The following PDE7B variants were observed in gnomAD, a reference collection of about 807,000 sequenced individuals.
PDE7B encodes the protein phosphodiesterase 7B.
Under a neutral mutation model 56.2 loss-of-function variants are expected in PDE7B, and 29 were observed. That is an observed-to-expected ratio of 0.52 (90% CI 0.38 to 0.70). The LOEUF is 0.70. PDE7B is among the 30% of genes least tolerant of loss of function. The pLI is 0.00. For missense variants in PDE7B, 490 were observed against 565.0 expected, an observed-to-expected ratio of 0.87 and a Z score of 1.35; for synonymous variants, 197 against 196.9, an observed-to-expected ratio of 1.00 and a Z score of 0.00.
At chr6:136,083,514 C>A (rs1323251127) in intron 2 of PDE7B, among the ~76,000 whole-genome samples, 1 of 152,138 alleles carries the variant, frequency 6.6e-6, no homozygotes, top group Non-Finnish European at 1.5e-5. Flanking sequence ...TGCTAACTAC[C>A]CTTAAAATGT....
chr6:135,986,557 T>A (rs1348157333), intron 2 of PDE7B, among the ~76,000 whole-genome samples: 1 of 152,212 alleles, frequency 6.6e-6, no homozygotes, highest in Admixed American at 6.5e-5. Context: ...GCTCGATGGA[T>A]CCCAGCAAGA....
intron 2 of PDE7B, among the ~76,000 whole-genome samples, chr6:136,018,680 GT>G (rs1776019296): frequency 1.3e-5 from 2 of 151,968 alleles, no homozygotes; most frequent in Admixed American, 1.3e-4. Context: ...AAGTTTTTAT[GT>G]TTTTTAAATA....
chr6:136,088,578 T>C (rs1348967837), intron 2 of PDE7B, among the ~76,000 whole-genome samples: 1 of 152,058 alleles, frequency 6.6e-6, no homozygotes, highest in Non-Finnish European at 1.5e-5. Flanking sequence ...AGACCATATA[T>C]TGTATTGTTT....
At chr6:136,040,454 T>C (rs951892833) in intron 2 of PDE7B, among the ~76,000 whole-genome samples, 5 of 152,184 alleles carry the variant, frequency 3.3e-5, no homozygotes, top group African/African-American at 9.7e-5. Context: ...CCTTCTTCCT[T>C]ACTCATCCTA....
intron 1 of PDE7B, among the ~76,000 whole-genome samples, chr6:135,945,434 T>C (rs1774579495): frequency 6.6e-6 from 1 of 151,986 alleles, no homozygotes; most frequent in Non-Finnish European, 1.5e-5. Flanking sequence ...GCCTCTTGAC[T>C]CACAAAAGCA....
chr6:136,132,877 G>A (rs1778141963), intron 3 of PDE7B, among the ~76,000 whole-genome samples: 1 of 152,096 alleles, frequency 6.6e-6, no homozygotes, highest in Non-Finnish European at 1.5e-5. Context: ...AGAGTGTCCT[G>A]CACCAAGAAT....
chr6:136,131,254 A>T (rs1778111967), intron 3 of PDE7B, among the ~76,000 whole-genome samples: 1 of 152,198 alleles, frequency 6.6e-6, no homozygotes, highest in African/African-American at 2.4e-5. Flanking sequence ...ATGCAAAATT[A>T]TCAATGTAGG....
At chr6:135,934,446 G>A (rs1774353413) in intron 1 of PDE7B, among the ~76,000 whole-genome samples, 1 of 151,688 alleles carries the variant, frequency 6.6e-6, no homozygotes, top group South Asian at 2.1e-4. Context: ...ATATATTCGG[G>A]CCCAGTGCAG....
chr6:135,897,049 T>G (rs1314182979), intron 1 of PDE7B, among the ~76,000 whole-genome samples: 1 of 152,164 alleles, frequency 6.6e-6, no homozygotes, highest in Non-Finnish European at 1.5e-5. Flanking sequence ...CCCTAAGCCA[T>G]CTTCATCAGA....
intron 2 of PDE7B, among the ~76,000 whole-genome samples, chr6:136,077,981 T>A (rs1777149954): frequency 6.6e-6 from 1 of 152,174 alleles, no homozygotes; most frequent in Admixed American, 6.5e-5. Flanking sequence ...CCAGGGTGAA[T>A]TGAGGTTAGC....
intron 2 of PDE7B, among the ~76,000 whole-genome samples, chr6:136,090,521 T>C (rs1777369690): frequency 6.6e-6 from 1 of 152,252 alleles, no homozygotes; most frequent in Non-Finnish European, 1.5e-5. Flanking sequence ...TACATCTTAT[T>C]GTGCTCTTAA....
At chr6:136,151,360 C>G in intron 6 of PDE7B, 105 bp downstream of exon 6, 1 of 595,960 alleles carries the variant, frequency 1.7e-6, no homozygotes, top group Middle Eastern at 2.6e-4. Context: ...TAGATGCATA[C>G]CTCCAATTAA....
At chr6:135,926,961 T>C (rs902311396) in intron 1 of PDE7B, among the ~76,000 whole-genome samples, 3 of 152,300 alleles carry the variant, frequency 2.0e-5, no homozygotes, top group African/African-American at 7.2e-5. Context: ...TATGTTGAAT[T>C]CATGTTCTTA....
intron 1 of PDE7B, among the ~76,000 whole-genome samples, chr6:135,902,701 C>G (rs1041538629): frequency 5.3e-5 from 8 of 152,040 alleles, no homozygotes; most frequent in African/African-American, 1.9e-4. Flanking sequence ...ATTGCTTAAC[C>G]CTTGGAAGTA....
intron 2 of PDE7B, among the ~76,000 whole-genome samples, chr6:136,003,638 C>G (rs1775716224): frequency 6.6e-6 from 1 of 152,162 alleles, no homozygotes; most frequent in African/African-American, 2.4e-5. Flanking sequence ...TACACCCTCC[C>G]AAGACTAAAC....
intron 2 of PDE7B, among the ~76,000 whole-genome samples, chr6:136,079,932 G>A (rs1416752351): frequency 6.6e-6 from 1 of 151,888 alleles, no homozygotes; most frequent in Non-Finnish European, 1.5e-5. Context: ...ACGTCAGCCT[G>A]GGAAAATCAC....
At chr6:136,062,913 G>A (rs1396812447) in intron 2 of PDE7B, among the ~76,000 whole-genome samples, 2 of 152,172 alleles carry the variant, frequency 1.3e-5, no homozygotes, top group Non-Finnish European at 2.9e-5. Flanking sequence ...GACAGGAAGA[G>A]GAAGCAAGGA....
intron 2 of PDE7B, chr6:136,098,147 G>GT (rs1554279577): frequency 1.6e-5 from 1 of 62,936 alleles, no homozygotes; most frequent in Non-Finnish European, 3.2e-5. Flanking sequence ...GGGGGGGGGG[G>GT]AAATATATGT....
At chr6:136,177,940 C>T (rs1055460305) in intron 9 of PDE7B, among the ~76,000 whole-genome samples, 3 of 151,964 alleles carry the variant, frequency 2.0e-5, no homozygotes, top group Non-Finnish European at 4.4e-5. Flanking sequence ...GTGGCATACA[C>T]TGTAACAAAA....
Sources: gnomAD v4.1 joint callset for allele counts (sites outside exome capture counted in the v4.1 genomes callset) on GRCh38, gnomAD v4.1.1 for gene constraint, MANE v1.5 for transcripts, NCBI Gene and HGNC (gene_info 2026-07-23, HGNC 2026-07-21) for gene names.